IL37: variants seen among roughly 807,000 people sequenced by gnomAD.
The protein encoded by IL37 is interleukin-37.
Under a neutral mutation model 15.4 loss-of-function variants are expected in IL37, and 15 were observed. The ratio of observed to expected loss-of-function variants is 0.98; its 90% CI spans 0.65 to 1.50. The LOEUF is 1.50. IL37 is among the 40% of genes most tolerant of loss of function. The pLI is 0.00. For missense variants in IL37, 269 were observed against 261.7 expected, an observed-to-expected ratio of 1.03 and a Z score of -0.19; for synonymous variants, 98 against 97.4, an observed-to-expected ratio of 1.01 and a Z score of -0.03.
rs1004425559 is a variant in IL37 at position 112,913,942 on chromosome 2, G to C, written c.145+88G>C. The C allele has an allele frequency of 3.9e-6, 4 of 1,014,946 alleles. No homozygotes were observed. In the South Asian group the frequency reaches 4.1e-5, roughly 10 times the overall value. 62.9% of individuals were successfully genotyped at this position (1,014,946 alleles called of 1,614,324 possible). ...GCCATTGGGTCCTCTTACAGGGTGG[G>C]AGAATTGTAGAATGGGGACACCTAA... is the stretch of plus-strand genomic sequence containing the variant. On this transcript the variant is annotated intron_variant, in intron 3 of 5. Coordinates refer to ENST00000263326, the MANE Select transcript of IL37 (RefSeq NM_014439.4).
chr2:112,915,056 A>G (rs1048978211), intron 3 of IL37: 4 of 661,028 alleles, frequency 6.1e-6, no homozygotes, highest in South Asian at 2.1e-5. Context: ...ACTTCCCTAT[A>G]GAAAACAACT....
In IL37 at chr2:112,917,852, C is replaced by T; in HGVS notation, c.408+75C>T. The T allele has an allele frequency of 2.7e-6, 4 of 1,477,348 alleles. No homozygotes were observed. The South Asian group carries it at 4.6e-5, about 17-fold the overall frequency. 91.5% of individuals were successfully genotyped at this position (1,477,348 alleles called of 1,614,324 possible). On this transcript the variant is annotated intron_variant, in intron 5 of 5. Coordinates refer to ENST00000263326, the MANE Select transcript of IL37 (RefSeq NM_014439.4). ...AGGCCAAGATCCTCAATGCCTCTCG[C>T]TTTCCTGCAAATTCTTATCTTGGCC...
At chr2:112,915,091 C>A in intron 3 of IL37, 2 of 1,050,160 alleles carry the variant, frequency 1.9e-6, no homozygotes, top group South Asian at 1.4e-5. Context: ...ACCACTCACA[C>A]CTTCAGAGTG....
intron 4 of IL37, 140 bp downstream of exon 4, chr2:112,917,388 G>C: frequency 1.2e-5 from 12 of 1,024,172 alleles, no homozygotes; most frequent in Non-Finnish European, 1.6e-5. Context: ...CCAGGGACTA[G>C]GGCATCAGAT....
intron 3 of IL37, chr2:112,915,240 C>A (rs746752258): frequency 6.2e-7 from 1 of 1,613,900 alleles, no homozygotes; most frequent in South Asian, 1.1e-5. Flanking sequence ...GAAAGAACAG[C>A]TTTAAGAAGC....
At chr2:112,918,006 A>G (rs1683359949) in intron 5 of IL37, among the ~76,000 whole-genome samples, 1 of 152,212 alleles carries the variant, frequency 6.6e-6, no homozygotes, top group African/African-American at 2.4e-5. Flanking sequence ...CAAGGAGCTG[A>G]GCACCTGTTC....
At chr2:112,913,688 T>A (rs1683232157) in intron 2 of IL37, 104 bp from the exon 3 acceptor site, 2 of 843,384 alleles carry the variant, frequency 2.4e-6, no homozygotes, top group Non-Finnish European at 4.0e-6. Flanking sequence ...TGCTCTAGTA[T>A]TTCTCAGCAC....
rs1020206579 is a variant in IL37 at position 112,911,228 on chromosome 2, C to T, written c.-71C>T. Among the ~76,000 whole-genome samples, 3 of 152,208 alleles carry T rather than the reference C, an allele frequency of 2.0e-5. No individual in the cohort carries two copies. The highest frequency in any genetic ancestry group is 7.2e-5 in the African/African-American group (3 of 41,458). On this transcript the variant is annotated 5_prime_UTR_variant, in exon 1 of 6. Coordinates refer to ENST00000263326, the MANE Select transcript of IL37 (RefSeq NM_014439.4). The stretch of plus-strand genomic sequence containing the variant: ...CAGGAGTCCAAGACAGAGCCACAGA[C>T]CACGAGGATCCCTGGCCCAGGTAGG...
At chr2:112,912,803 T>C (rs1683205545) in intron 1 of IL37, among the ~76,000 whole-genome samples, 160 bp from the exon 2 acceptor site, 1 of 152,222 alleles carries the variant, frequency 6.6e-6, no homozygotes, top group Non-Finnish European at 1.5e-5. Flanking sequence ...GAAGGCGTGA[T>C]AGACAGGAGA....
At chr2:112,918,473 G>C (rs1284343051) in intron 5 of IL37, 88 bp from the exon 6 acceptor site, 2 of 1,438,712 alleles carry the variant, frequency 1.4e-6, no homozygotes, top group African/African-American at 2.9e-5. Context: ...CTCCTCTCCT[G>C]TGTAAAGGCC....
chr2:112,915,364 G>A (rs1286692193), intron 3 of IL37: 2 of 932,030 alleles, frequency 2.1e-6, no homozygotes, highest in African/African-American at 1.7e-5. Context: ...GTGAGGCCCA[G>A]GTATCCATGG....
intron 1 of IL37, 62 bp from the exon 2 acceptor site, chr2:112,912,901 C>A: frequency 1.4e-6 from 1 of 723,616 alleles, no homozygotes. Context: ...GCACTAGAGA[C>A]ATGCAGCAAG....
intron 4 of IL37, 59 bp from the exon 5 acceptor site, chr2:112,917,576 A>G: frequency 7.3e-6 from 11 of 1,502,786 alleles, no homozygotes; most frequent in Non-Finnish European, 9.8e-6. Context: ...ACCCCAGCAG[A>G]CAGGAGAGAC....
At chr2:112,915,923 G>T (rs1240131079) in intron 3 of IL37, among the ~76,000 whole-genome samples, 1 of 152,154 alleles carries the variant, frequency 6.6e-6, no homozygotes, top group Non-Finnish European at 1.5e-5. Context: ...CTGTGTGCAG[G>T]TACCACTGAC....
intron 3 of IL37, chr2:112,915,076 T>C (rs887653590): frequency 6.9e-6 from 6 of 874,690 alleles, no homozygotes; most frequent in Non-Finnish European, 1.1e-5. Flanking sequence ...TGCCAGCACC[T>C]TAAGACCACT....
intron 1 of IL37, among the ~76,000 whole-genome samples, chr2:112,911,874 C>G (rs570890181): frequency 6.6e-6 from 1 of 152,130 alleles, no homozygotes; most frequent in Non-Finnish European, 1.5e-5. Flanking sequence ...TTGATTTACC[C>G]CAACATGACA....
At chr2:112,916,634 T>A (rs1006429040) in intron 3 of IL37, among the ~76,000 whole-genome samples, 30 of 152,266 alleles carry the variant, frequency 2.0e-4, no homozygotes, top group Admixed American at 7.8e-4. Flanking sequence ...CAGGGATCTG[T>A]TCCACTCTAG....
chr2:112,912,614 T>C (rs1683201486), intron 1 of IL37, among the ~76,000 whole-genome samples: 1 of 152,210 alleles, frequency 6.6e-6, no homozygotes, highest in Non-Finnish European at 1.5e-5. Flanking sequence ...AATAAAACTT[T>C]ATTTAAAAAA....
intron 3 of IL37, 64 bp from the exon 4 acceptor site, chr2:112,917,065 G>A: frequency 1.3e-6 from 2 of 1,587,792 alleles, no homozygotes; most frequent in African/African-American, 1.3e-5. Context: ...TTGGACGTGG[G>A]GAAGAAAGGG....
Sources: gnomAD v4.1 joint callset for allele counts (sites outside exome capture counted in the v4.1 genomes callset) on GRCh38, gnomAD v4.1.1 for gene constraint, MANE v1.5 for transcripts, NCBI Gene and HGNC (gene_info 2026-07-23, HGNC 2026-07-21) for gene names.